Variants in KCNQ5 observed in about 807,000 individuals in gnomAD.
KCNQ5 encodes potassium voltage-gated channel subfamily KQT member 5.
KCNQ5 carries 30 observed loss-of-function variants against 98.2 expected under a neutral mutation model. That is an observed-to-expected ratio of 0.31 (90% confidence interval 0.23 to 0.41). The LOEUF (loss-of-function observed/expected upper bound fraction) is 0.41, where lower values mean the gene tolerates loss of function less well. Ranked by LOEUF, KCNQ5 falls within the 10% of genes least tolerant of loss-of-function variation. KCNQ5 has a pLI of 1.00. For missense variants in KCNQ5, 835 were observed against 1,182.5 expected (o/e 0.71, Z 4.31); for synonymous variants, 458 against 449.4 (o/e 1.02, Z -0.24).
intron 1 of KCNQ5, among the ~76,000 whole-genome samples, chr6:72,927,365 GTTTGA>G (rs1582031306): frequency 6.6e-6 from 1 of 152,122 alleles, no homozygotes; most frequent in East Asian, 1.9e-4. Context: ...TTGGAAAACT[GTTTGA>G]TTTGTTTATA....
chr6:72,664,692 C>T (rs1377587396), intron 1 of KCNQ5, among the ~76,000 whole-genome samples: 2 of 140,492 alleles, frequency 1.4e-5, no homozygotes, highest in Non-Finnish European at 3.1e-5. Context: ...AACAAACAAA[C>T]AAAAAACACA....
chr6:73,084,369 T>A (rs530881559), intron 5 of KCNQ5, among the ~76,000 whole-genome samples: 1 of 152,356 alleles, frequency 6.6e-6, no homozygotes, highest in Non-Finnish European at 1.5e-5. Context: ...TTTGTTTTTC[T>A]TTATAACAGT....
chr6:73,194,287 T>C (rs1374053956), intron 13 of KCNQ5, among the ~76,000 whole-genome samples, 165 bp from the exon 14 acceptor site: 1 of 152,242 alleles, frequency 6.6e-6, no homozygotes. Context: ...GGCCCCATCA[T>C]TGCTAAATGT....
intron 2 of KCNQ5, among the ~76,000 whole-genome samples, chr6:73,009,496 C>T (rs1769965160): frequency 6.6e-6 from 1 of 151,680 alleles, no homozygotes; most frequent in Admixed American, 6.6e-5. Context: ...AAAAAGAATA[C>T]AGTAGACCCA....
intron 1 of KCNQ5, among the ~76,000 whole-genome samples, chr6:72,790,352 G>C (rs139351837): frequency 1.1e-3 from 164 of 152,298 alleles, no homozygotes; most frequent in African/African-American, 3.5e-3. Context: ...AATTCAATTT[G>C]ACATCAAGTT....
chr6:72,750,774 T>C (rs1771638502), intron 1 of KCNQ5, among the ~76,000 whole-genome samples: 1 of 152,066 alleles, frequency 6.6e-6, no homozygotes, highest in African/African-American at 2.4e-5. Flanking sequence ...ATTTTGTACC[T>C]CATAAGCAAA....
At chr6:72,985,503 C>A (rs1039175224) in intron 1 of KCNQ5, among the ~76,000 whole-genome samples, 1 of 152,176 alleles carries the variant, frequency 6.6e-6, no homozygotes, top group African/African-American at 2.4e-5. Flanking sequence ...AGTATTGTTA[C>A]AGTAACACCA....
chr6:72,691,579 G>T (rs1378252626), intron 1 of KCNQ5, among the ~76,000 whole-genome samples: 2 of 152,182 alleles, frequency 1.3e-5, no homozygotes, highest in Non-Finnish European at 2.9e-5. Flanking sequence ...TTGTAGAGAA[G>T]AAAGTTGTAC....
chr6:72,805,466 A>T (rs1774908049), intron 1 of KCNQ5, among the ~76,000 whole-genome samples: 1 of 151,968 alleles, frequency 6.6e-6, no homozygotes, highest in Admixed American at 6.6e-5. Context: ...AAATGAGTTC[A>T]CTGTAGATAT....
chr6:72,973,307 A>G (rs1236003834), intron 1 of KCNQ5, among the ~76,000 whole-genome samples: 2 of 978 alleles, frequency 2.0e-3, no homozygotes, highest in Non-Finnish European at 8.1e-3. Context: ...TTTACTGTGA[A>G]CATAAACTTC....
chr6:72,980,056 C>G (rs1431748515), intron 1 of KCNQ5, among the ~76,000 whole-genome samples: 2 of 152,160 alleles, frequency 1.3e-5, no homozygotes, highest in African/African-American at 4.8e-5. Context: ...GGTACCAGTA[C>G]CATGCTGTTT....
chr6:73,126,409 A>T (rs1028353908), intron 9 of KCNQ5, among the ~76,000 whole-genome samples: 2 of 152,246 alleles, frequency 1.3e-5, no homozygotes, highest in Non-Finnish European at 2.9e-5. Context: ...ACTGTTTTTA[A>T]ATGTTAGCAC....
intron 5 of KCNQ5, among the ~76,000 whole-genome samples, chr6:73,096,710 G>C (rs112826387): frequency 1.3e-5 from 2 of 152,144 alleles, no homozygotes; most frequent in African/African-American, 4.8e-5. Context: ...TCATTACATC[G>C]TGCTAATTAA....
chr6:72,649,626 T>C (rs1258544727), intron 1 of KCNQ5, among the ~76,000 whole-genome samples: 38 of 152,172 alleles, frequency 2.5e-4, no homozygotes, highest in Admixed American at 2.4e-3. Context: ...TTATTTGTTT[T>C]GTAATGGTTC....
intron 11 of KCNQ5, among the ~76,000 whole-genome samples, chr6:73,177,421 GCCT>G (rs1778253250): frequency 6.6e-6 from 1 of 152,136 alleles, no homozygotes; most frequent in Non-Finnish European, 1.5e-5. Context: ...TGCAAATCAG[GCCT>G]CACTGTTACC....
intron 3 of KCNQ5, among the ~76,000 whole-genome samples, chr6:73,072,827 A>T (rs1332561754): frequency 6.6e-6 from 1 of 151,994 alleles, no homozygotes; most frequent in East Asian, 1.9e-4. Flanking sequence ...CTCTTTCTTC[A>T]CTACTTCCCA....
chr6:73,142,869 T>C (rs1020461624), intron 10 of KCNQ5, among the ~76,000 whole-genome samples: 1 of 152,068 alleles, frequency 6.6e-6, no homozygotes, highest in Non-Finnish European at 1.5e-5. Context: ...TGAGCTGAGA[T>C]TGCACCCTTG....
intron 1 of KCNQ5, among the ~76,000 whole-genome samples, chr6:72,999,657 A>T (rs1401031680): frequency 6.6e-6 from 1 of 152,224 alleles, no homozygotes; most frequent in African/African-American, 2.4e-5. Context: ...GAAACTATGA[A>T]CCATTCCTCA....
intron 1 of KCNQ5, among the ~76,000 whole-genome samples, chr6:72,858,546 G>A (rs910398856): frequency 6.6e-6 from 1 of 151,558 alleles, no homozygotes; most frequent in Non-Finnish European, 1.5e-5. Context: ...CCTTCGAAAT[G>A]TGATTTTTTT....
Sources: gnomAD v4.1 joint callset for allele counts (sites outside exome capture counted in the v4.1 genomes callset) on GRCh38, gnomAD v4.1.1 for gene constraint, MANE v1.5 for transcripts, NCBI Gene and HGNC (gene_info 2026-07-23, HGNC 2026-07-21) for gene names.